SPRY3: variants seen among roughly 807,000 people sequenced by gnomAD.
SPRY3 encodes sprouty RTK signaling antagonist 3, also known as protein sprouty homolog 3.
A neutral mutation model predicts 20.2 loss-of-function variants in SPRY3; 15 were observed. That is an observed-to-expected ratio of 0.74 (90% CI 0.50 to 1.14). The LOEUF is 1.14. Among genes scored for constraint, SPRY3 ranks in the 50% most tolerant of loss-of-function variants. The pLI is 0.00. For missense variants in SPRY3, 364 were observed against 363.9 expected (o/e 1.00, Z 0.00); for synonymous variants, 143 against 136.5 (o/e 1.05, Z -0.33).
intron 1 of SPRY3, among the ~76,000 whole-genome samples, chrX:155,622,712 G>C (rs1366511290): frequency 1.8e-5 from 2 of 111,818 alleles, no homozygotes; most frequent in Admixed American, 1.9e-4. Flanking sequence ...ATATTTAAAA[G>C]ATAGCAGTCT....
chrX:155,662,682 CA>C (rs34216827), intron 2 of SPRY3, among the ~76,000 whole-genome samples: 1,244 of 58,141 alleles, frequency 0.021, 15 homozygotes, highest in African/African-American at 0.076. Flanking sequence ...TGTAGTTTGG[CA>C]AAAAAAAAAA....
At chrX:155,654,761 C>T (rs917456756) in intron 1 of SPRY3, among the ~76,000 whole-genome samples, 7 of 98,870 alleles carry the variant, frequency 7.1e-5, no homozygotes, top group African/African-American at 2.2e-4. Context: ...TTTATCTAAT[C>T]ATCTGTTTAT....
intron 2 of SPRY3, among the ~76,000 whole-genome samples, chrX:155,760,522 G>A (rs2091299930): frequency 6.6e-6 from 1 of 152,102 alleles, no homozygotes; most frequent in Admixed American, 6.5e-5. Context: ...CTGTAACAGC[G>A]ACAAAGTTTG....
intron 2 of SPRY3, among the ~76,000 whole-genome samples, chrX:155,715,250 G>A (rs2045819545): frequency 6.6e-6 from 1 of 152,116 alleles, no homozygotes; most frequent in South Asian, 2.1e-4. Context: ...GGGTATCACT[G>A]GTGGTTGTTC....
chrX:155,633,247 G>A (rs2067912164), intron 1 of SPRY3, among the ~76,000 whole-genome samples: 1 of 108,423 alleles, frequency 9.2e-6, no homozygotes, highest in Non-Finnish European at 1.9e-5. Flanking sequence ...CACCTAAAAA[G>A]TTCATAGACC....
Position 155,747,184 on chromosome X carries a change from G to A in SPRY3, c.-281-20778G>A, listed in dbSNP as rs139951974. Among the ~76,000 whole-genome samples, 564 of 151,990 alleles carry A rather than the reference G, an allele frequency of 3.7e-3. 3 individuals are homozygous for A. Among genetic ancestry groups the A allele is most frequent in the Middle Eastern group, 6.8e-3 (2 of 294 alleles). On this transcript the variant is annotated intron_variant, in intron 2 of 3. Coordinates refer to ENST00000675360, the Ensembl canonical transcript of SPRY3. ...CTTCAGCACATAATTATAGAATTCT[G>A]CTTTGGAAGGGGCCCTAGAGCTTAA...
chrX:155,722,196 C>T (rs2091063857), intron 2 of SPRY3, among the ~76,000 whole-genome samples: 1 of 151,948 alleles, frequency 6.6e-6, no homozygotes, highest in South Asian at 2.1e-4. Flanking sequence ...CTCATGGTAA[C>T]CTGAAATCAA....
At chrX:155,671,390 G>C (rs1444547809) in intron 2 of SPRY3, among the ~76,000 whole-genome samples, 1 of 110,559 alleles carries the variant, frequency 9.0e-6, no homozygotes, top group Non-Finnish European at 1.9e-5. Flanking sequence ...CCAGGGGATG[G>C]GGGTATCTTG....
At chrX:155,758,647 G>A (rs2091292398) in intron 2 of SPRY3, among the ~76,000 whole-genome samples, 1 of 152,126 alleles carries the variant, frequency 6.6e-6, no homozygotes, top group South Asian at 2.1e-4. Context: ...CTCTCAAATG[G>A]ATTTGGGATG....
At chrX:155,742,456 T>G in intron 2 of SPRY3, among the ~76,000 whole-genome samples, 1 of 152,266 alleles carries the variant, frequency 6.6e-6, no homozygotes, top group African/African-American at 2.4e-5. Context: ...TTAAGAAAGA[T>G]ATACAGGACC....
At position 155,685,771 on chromosome X, in the gene SPRY3, C is replaced by G. The variant is rs2068085754; in HGVS notation, c.-282+28746C>G. On this transcript the variant is annotated intron_variant, in intron 2 of 3. Transcript: ENST00000675360. ...TTCTTTTTTATAGCTGCATAGTATTCCTTTTTTTGTTTTTTGAGATGGAGT... is the reference window on the plus strand; with the variant it reads ...TTCTTTTTTATAGCTGCATAGTATTGCTTTTTTTGTTTTTTGAGATGGAGT... 3.4e-5 allele frequency among the ~76,000 whole-genome samples: 3 copies of G among 89,282 alleles called. No homozygotes were observed. In the South Asian group the frequency reaches 1.4e-3, roughly 42 times the overall value. 77.5% of individuals were successfully genotyped at this position (89,282 alleles called of 115,157 possible).
exon 4 of SPRY3, chrX:155,775,622 T>G (rs2091420314): frequency 6.0e-6 from 1 of 167,120 alleles, no homozygotes; most frequent in South Asian, 2.1e-4. Context: ...TTATCTTATA[T>G]TTCCAGGTTT....
intron 2 of SPRY3, among the ~76,000 whole-genome samples, chrX:155,684,463 C>T (rs2068082213): frequency 9.0e-6 from 1 of 111,561 alleles, no homozygotes; most frequent in African/African-American, 3.3e-5. Flanking sequence ...ATCAATAAAT[C>T]TATTTAGAAT....
chrX:155,745,142 A>G (rs2091219918), intron 2 of SPRY3, among the ~76,000 whole-genome samples: 1 of 152,098 alleles, frequency 6.6e-6, no homozygotes, highest in Non-Finnish European at 1.5e-5. Flanking sequence ...TCTTTCCCCA[A>G]GCTTGAGAAA....
At chrX:155,739,442 C>T (rs111316138) in intron 2 of SPRY3, among the ~76,000 whole-genome samples, 166 of 152,328 alleles carry the variant, frequency 1.1e-3, no homozygotes, top group African/African-American at 3.9e-3. Flanking sequence ...TAGTGCAGCA[C>T]ATCTGCTCAG....
chrX:155,721,287 A>C (rs1343522852), intron 2 of SPRY3, among the ~76,000 whole-genome samples: 1 of 152,130 alleles, frequency 6.6e-6, no homozygotes, highest in African/African-American at 2.4e-5. Flanking sequence ...ACAATGAAGC[A>C]TACTTACAGG....
At chrX:155,723,522 T>C (rs2091076421) in intron 2 of SPRY3, among the ~76,000 whole-genome samples, 1 of 152,246 alleles carries the variant, frequency 6.6e-6, no homozygotes, top group Non-Finnish European at 1.5e-5. Flanking sequence ...TTTGCATTTC[T>C]CTGATGACCA....
chrX:155,754,196 T>C (rs1478944538), intron 2 of SPRY3, among the ~76,000 whole-genome samples: 4 of 152,054 alleles, frequency 2.6e-5, no homozygotes, highest in African/African-American at 9.7e-5. Context: ...CTCCTATGTT[T>C]TATTCTAAGA....
chrX:155,751,936 AATAAAATAAAATAAAAT>A (rs2091264504), intron 2 of SPRY3, among the ~76,000 whole-genome samples: 1 of 39,518 alleles, frequency 2.5e-5, no homozygotes, highest in African/African-American at 2.3e-4. Flanking sequence ...AATAAAATAA[AATAAAATAAAATAAAAT>A]AAAATAAAAT....
Sources: allele counts gnomAD v4.1 joint callset (sites outside exome capture counted in the v4.1 genomes callset), GRCh38; gene constraint gnomAD v4.1.1; transcripts MANE v1.5; gene names NCBI Gene and HGNC (gene_info 2026-07-23, HGNC 2026-07-21).